ISM2: variants seen among roughly 807,000 people sequenced by gnomAD.
ISM2 encodes isthmin 2, also known as isthmin-2.
In ISM2, 50 loss-of-function variants were observed where a neutral mutation model predicts 58.0. The ratio of observed to expected loss-of-function variants is 0.86; its 90% CI spans 0.69 to 1.09. The LOEUF is 1.09. ISM2 is among the 50% of genes least tolerant of loss of function. The pLI is 0.00. For synonymous variants in ISM2, 303 were observed against 312.4 expected (o/e 0.97, Z 0.32); for missense variants, 723 against 745.0 (o/e 0.97, Z 0.34).
chr14:77,496,459 G>A (rs2079241252), intron 1 of ISM2, among the ~76,000 whole-genome samples: 1 of 150,724 alleles, frequency 6.6e-6, no homozygotes, highest in South Asian at 2.1e-4. Flanking sequence ...TTGCACTCCA[G>A]TCTGGGCAAC....
At chr14:77,488,869 T>C (rs1041887893) in intron 1 of ISM2, among the ~76,000 whole-genome samples, 1 of 152,154 alleles carries the variant, frequency 6.6e-6, no homozygotes, top group Non-Finnish European at 1.5e-5. Flanking sequence ...ATTCTGAGAC[T>C]CCAGGTTGTT....
intron 1 of ISM2, among the ~76,000 whole-genome samples, chr14:77,496,039 C>T (rs934031389): frequency 6.6e-6 from 1 of 151,734 alleles, no homozygotes; most frequent in African/African-American, 2.4e-5. Context: ...ATGACGAAAC[C>T]CCATCTCTAC....
chr14:77,475,655 G>A lies in ISM2; in HGVS notation c.1656C>T (p.Cys552=), dbSNP rs768017196. Reference sequence around the variant, plus strand: ...ACTCCTCCTCCAGGGGGTTGTCGGTGCAGGCTCGGCCGTTGTTGGGAGGGA... The same window carrying A: ...ACTCCTCCTCCAGGGGGTTGTCGGTACAGGCTCGGCCGTTGTTGGGAGGGA... ...AVLPPNNGRA[C]TDNPLEEEYL... is the part of the protein sequence containing the mutation. Residue 552 remains cysteine, a synonymous_variant, in exon 7 of 7, where the codon TGC becomes TGT. Transcript: ENST00000342219. This position sits in a 1 kb window ranked among gnomAD's most constrained non-coding sequence, Gnocchi z 4.1. 1.7e-5 allele frequency: 27 copies of A among 1,612,932 alleles called. No homozygotes were observed. The South Asian group carries it at 2.9e-4, about 17-fold the overall frequency.
In ISM2 at chr14:77,476,030, G is replaced by A. The variant is rs1267958869; in HGVS notation, c.1281C>T (p.Pro427=). 2.0e-5 allele frequency: 31 copies of A among 1,571,252 alleles called. No homozygotes were observed. The highest frequency in any genetic ancestry group is 2.5e-5 in the Non-Finnish European group (29 of 1,162,126). Reference sequence around the variant, plus strand: ...CCAGTGGGTAGGCACACGGGCAGCTGGGCAGGTCCCGCAGCATCTGGCTCA... The same window carrying A: ...CCAGTGGGTAGGCACACGGGCAGCTAGGCAGGTCCCGCAGCATCTGGCTCA... ...KYLSQMLRDL[P]SCPCAYPLEA... is the part of the protein sequence containing the mutation. The change falls in exon 7 of 7, where the codon CCC becomes CCT. Residue 427 remains proline, a synonymous_variant. Coordinates refer to ENST00000342219, the MANE Select transcript of ISM2 (RefSeq NM_199296.3).
At chr14:77,485,101 G>A (rs2079159820) in intron 1 of ISM2, among the ~76,000 whole-genome samples, 182 bp from the exon 2 acceptor site, 1 of 152,224 alleles carries the variant, frequency 6.6e-6, no homozygotes, top group Non-Finnish European at 1.5e-5. Flanking sequence ...CCTGCTTTAA[G>A]GCCCTCAACG....
intron 1 of ISM2, among the ~76,000 whole-genome samples, chr14:77,490,146 A>C (rs1331139192): frequency 6.6e-6 from 1 of 150,964 alleles, no homozygotes; most frequent in Non-Finnish European, 1.5e-5. Flanking sequence ...TACAGGCGTG[A>C]GCCACCACGC....
In ISM2 at chr14:77,482,626, C is replaced by T. The variant is rs780304267; in HGVS notation, c.669G>A (p.Ser223=). ...TGCTGGGCTCAGCCAACAGGTCTAT[C>T]GACACCTCGGCCTGGGGGTCCTCCA... ...KVVEDPQAEV[S]IDLLAEPSNP... Residue 223 remains serine, a synonymous_variant, in exon 4 of 7, where the codon TCG becomes TCA. Transcript: ENST00000342219. 6.3e-6 allele frequency: 10 copies of T among 1,585,124 alleles called. No individual in the cohort carries two copies. In the East Asian group the frequency reaches 9.0e-5, roughly 14 times the overall value.
rs566061192 is a variant in ISM2 at position 77,475,893 on chromosome 14, C to T, written c.1418G>A (p.Arg473His). Residue 473 changes from arginine (R) to histidine (H), a missense_variant, in exon 7 of 7, where the codon CGC (arginine) becomes CAC (histidine). Physicochemically the swap from Arg to His is conservative, Grantham distance 29. Transcript: ENST00000342219. The surrounding 1 kb of genome is among the most constrained non-coding windows in gnomAD (Gnocchi z 4.1). ...AGACAGCATGGAACGCAGGCAGAAG[C>T]GCGCCGTGGGCTGGTAGATGTCCAG... ...ERLDIYQPTA[R>H]FCLRSMLSGE... 1.7e-5 allele frequency: 27 copies of T among 1,603,830 alleles called. No homozygotes were observed. Among genetic ancestry groups the T allele is most frequent in the African/African-American group, 1.1e-4 (8 of 75,058 alleles).
chr14:77,492,553 T>A (rs2079212677), intron 1 of ISM2, among the ~76,000 whole-genome samples: 2 of 141,300 alleles, frequency 1.4e-5, no homozygotes, highest in Admixed American at 1.5e-4. Context: ...AGGGTCTTGC[T>A]CTGTTGCCCA....
At chr14:77,490,625 G>GTTC (rs2079197608) in intron 1 of ISM2, among the ~76,000 whole-genome samples, 1 of 152,228 alleles carries the variant, frequency 6.6e-6, no homozygotes, top group African/African-American at 2.4e-5. Context: ...ACTCCAGGCA[G>GTTC]TGGCTGCACC....
chr14:77,498,598 G>A (rs1318280472), intron 1 of ISM2, 55 bp downstream of exon 1: 24 of 1,400,696 alleles, frequency 1.7e-5, no homozygotes, highest in Admixed American at 9.8e-5. Context: ...GAGCCGGCGG[G>A]CTGGGGAGGT....
chr14:77,477,056 C>A (rs1594945536), intron 6 of ISM2, among the ~76,000 whole-genome samples: 1 of 152,156 alleles, frequency 6.6e-6, no homozygotes, highest in African/African-American at 2.4e-5. Context: ...ACCCGGTCCC[C>A]ATGGCACAGT....
At chr14:77,487,243 T>TTAAATAAATAAATAAATAAA (rs35003981) in intron 1 of ISM2, among the ~76,000 whole-genome samples, 141 of 144,110 alleles carry the variant, frequency 9.8e-4, no homozygotes, top group African/African-American at 2.6e-3. Flanking sequence ...AGAATCCATC[T>TTAAATAAATAAATAAATAAA]TAAATAAATA....
At chr14:77,496,129 C>T (rs192316662) in intron 1 of ISM2, among the ~76,000 whole-genome samples, 3 of 148,736 alleles carry the variant, frequency 2.0e-5, no homozygotes, top group Non-Finnish European at 3.0e-5. Context: ...GCAGGAGAAT[C>T]GCTTGAACTT....
chr14:77,497,156 T>C (rs2079248079), intron 1 of ISM2, among the ~76,000 whole-genome samples: 1 of 151,344 alleles, frequency 6.6e-6, no homozygotes, highest in Admixed American at 6.6e-5. Context: ...GATCATGAGG[T>C]CAGGAGCTCA....
intron 3 of ISM2, chr14:77,483,810 AT>A (rs376191731): frequency 6.5e-6 from 1 of 152,752 alleles, no homozygotes; most frequent in African/African-American, 2.4e-5. Flanking sequence ...CAGAATTATT[AT>A]CATGAAGGAC....
intron 1 of ISM2, among the ~76,000 whole-genome samples, chr14:77,492,156 C>A (rs969683725): frequency 3.3e-5 from 5 of 152,142 alleles, no homozygotes; most frequent in African/African-American, 1.2e-4. Context: ...GCCACCACAC[C>A]CAGCCTCTCT....
At chr14:77,481,722 GTAAA>G (rs1594948187) in intron 4 of ISM2, among the ~76,000 whole-genome samples, 2 of 151,948 alleles carry the variant, frequency 1.3e-5, no homozygotes, top group East Asian at 3.9e-4. Flanking sequence ...ACTCACAGAT[GTAAA>G]TAAATATAAT....
intron 1 of ISM2, among the ~76,000 whole-genome samples, chr14:77,495,120 G>A (rs1594956055): frequency 1.3e-5 from 2 of 151,812 alleles, no homozygotes; most frequent in African/African-American, 2.4e-5. Context: ...GAACTCCTGG[G>A]CTCAAGCAAT....
Sources: gnomAD v4.1 joint callset for allele counts (sites outside exome capture counted in the v4.1 genomes callset) on GRCh38, gnomAD v4.1.1 for gene constraint, Gnocchi (gnomAD v3.1) non-coding constraint, MANE v1.5 for transcripts, NCBI Gene and HGNC (gene_info 2026-07-23, HGNC 2026-07-21) for gene names.